UHRF2: variants seen among roughly 807,000 people sequenced by gnomAD.
UHRF2 encodes E3 ubiquitin-protein ligase UHRF2.
In UHRF2, 23 loss-of-function variants were observed where a neutral mutation model predicts 96.8. That is an observed-to-expected ratio of 0.24 (90% CI 0.17 to 0.34). UHRF2 has a LOEUF of 0.34. Ranked by LOEUF, UHRF2 falls within the 10% of genes least tolerant of loss-of-function variation. UHRF2 has a pLI of 1.00. For synonymous variants in UHRF2, 385 were observed against 332.6 expected, an observed-to-expected ratio of 1.16 and a Z score of -1.72; for missense variants, 685 against 981.5, an observed-to-expected ratio of 0.70 and a Z score of 4.04.
intron 2 of UHRF2, among the ~76,000 whole-genome samples, chr9:6,421,573 C>A (rs1342667858): frequency 6.6e-6 from 1 of 152,062 alleles, no homozygotes; most frequent in Non-Finnish European, 1.5e-5. Context: ...TGCACCACCA[C>A]GCCCGGCTAA....
At chr9:6,448,579 T>C (rs925771823) in intron 3 of UHRF2, among the ~76,000 whole-genome samples, 1 of 152,222 alleles carries the variant, frequency 6.6e-6, no homozygotes, top group Non-Finnish European at 1.5e-5. Flanking sequence ...TATAAGTATA[T>C]GTGAACGCTT....
At chr9:6,440,761 T>A (rs1220597068) in intron 3 of UHRF2, among the ~76,000 whole-genome samples, 3 of 152,216 alleles carry the variant, frequency 2.0e-5, no homozygotes, top group Non-Finnish European at 4.4e-5. Context: ...TAGATTAATT[T>A]TAGTTACTTA....
At chr9:6,442,680 T>TG (rs1821246869) in intron 3 of UHRF2, among the ~76,000 whole-genome samples, 1 of 149,270 alleles carries the variant, frequency 6.7e-6, no homozygotes. Context: ...GGGGTAGAGA[T>TG]GGGGTCTCAC....
intron 5 of UHRF2, among the ~76,000 whole-genome samples, chr9:6,475,875 TG>T (rs1237238455): frequency 6.6e-6 from 1 of 152,174 alleles, no homozygotes; most frequent in Non-Finnish European, 1.5e-5. Flanking sequence ...TCATTTTTTG[TG>T]TGTGTTGGGA....
At chr9:6,456,151 T>C (rs936222649) in intron 3 of UHRF2, among the ~76,000 whole-genome samples, 9 of 152,356 alleles carry the variant, frequency 5.9e-5, no homozygotes, top group Non-Finnish European at 1.3e-4. Flanking sequence ...CTTTTTTCTT[T>C]TTAGAATGTT....
intron 9 of UHRF2, chr9:6,492,436 C>A: frequency 1.1e-6 from 1 of 873,574 alleles, no homozygotes; most frequent in Non-Finnish European, 1.4e-6. Context: ...TCATAGAATA[C>A]ATACTAAAGA....
chr9:6,499,792 A>G, intron 12 of UHRF2, 43 bp from the exon 13 acceptor site: 2 of 1,247,898 alleles, frequency 1.6e-6, no homozygotes, highest in East Asian at 3.1e-5. Flanking sequence ...TTCTCTGTGA[A>G]GCTTAAATCT....
intron 3 of UHRF2, among the ~76,000 whole-genome samples, chr9:6,452,803 T>G (rs534914857): frequency 2.0e-5 from 3 of 152,090 alleles, no homozygotes; most frequent in African/African-American, 4.8e-5. Flanking sequence ...TCTGGGACAT[T>G]TCAGTTTGGG....
At chr9:6,504,439 G>C (rs151279412) in intron 14 of UHRF2, 154 bp from the exon 15 acceptor site, 2 of 532,334 alleles carry the variant, frequency 3.8e-6, no homozygotes, top group African/African-American at 3.8e-5. Context: ...TAATAAATCA[G>C]GGTAATTGGA....
chr9:6,505,971 G>A, intron 15 of UHRF2, 62 bp from the exon 16 acceptor site: 1 of 1,562,970 alleles, frequency 6.4e-7, no homozygotes, highest in Non-Finnish European at 8.7e-7. Flanking sequence ...AAAAGCATAA[G>A]TTGCTGAGTA....
chr9:6,492,260 C>A (rs1481556357), intron 9 of UHRF2: 2 of 938,744 alleles, frequency 2.1e-6, no homozygotes, highest in Non-Finnish European at 2.9e-6. Flanking sequence ...CTCTTACTTT[C>A]CATTACTTTT....
At chr9:6,426,616 C>T (rs1201655993) in intron 2 of UHRF2, among the ~76,000 whole-genome samples, 1 of 152,130 alleles carries the variant, frequency 6.6e-6, no homozygotes, top group African/African-American at 2.4e-5. Context: ...TAGCTCATTC[C>T]ATAAATAGGT....
At chr9:6,416,071 G>T (rs1359497833) in intron 1 of UHRF2, among the ~76,000 whole-genome samples, 3 of 151,850 alleles carry the variant, frequency 2.0e-5, no homozygotes, top group African/African-American at 2.4e-5. Flanking sequence ...TTTTGTTGTT[G>T]TTTTTGTTTT....
At chr9:6,478,468 C>G (rs1018090124) in intron 6 of UHRF2, among the ~76,000 whole-genome samples, 1 of 152,152 alleles carries the variant, frequency 6.6e-6, no homozygotes, top group Non-Finnish European at 1.5e-5. Flanking sequence ...TGTATTTAAT[C>G]CTGTGACGTT....
chr9:6,452,698 C>T (rs539433163), intron 3 of UHRF2, among the ~76,000 whole-genome samples: 1 of 152,200 alleles, frequency 6.6e-6, no homozygotes, highest in Non-Finnish European at 1.5e-5. Context: ...TCTTACACTT[C>T]TAAGAGCATG....
At chr9:6,476,781 G>A (rs1419894676) in intron 5 of UHRF2, among the ~76,000 whole-genome samples, 1 of 151,984 alleles carries the variant, frequency 6.6e-6, no homozygotes, top group Non-Finnish European at 1.5e-5. Flanking sequence ...TTTTAGCAGG[G>A]ACGGGGTTTC....
Position 6,424,659 on chromosome 9 carries a change from C to G in UHRF2, c.384+3517C>G, listed in dbSNP as rs576811031. ...GTGGTGTATTTGTTGAAATTAATGA[C>G]CCATATTTTCTTAGCTTTTACCTCA... On this transcript the variant is annotated intron_variant, in intron 2 of 15. Transcript: ENST00000276893. Among the ~76,000 whole-genome samples, 45 of 152,070 alleles carry G rather than the reference C, an allele frequency of 3.0e-4. 1 individual carries two copies. The highest frequency in any genetic ancestry group is 1.1e-3 in the African/African-American group (44 of 41,434).
chr9:6,432,867 G>A (rs1296645973), intron 2 of UHRF2, among the ~76,000 whole-genome samples: 3 of 151,016 alleles, frequency 2.0e-5, no homozygotes, highest in African/African-American at 7.3e-5. Context: ...TTGAGACAGA[G>A]TCTTGCTGTA....
intron 10 of UHRF2, chr9:6,494,242 C>T (rs564392133): frequency 7.7e-6 from 2 of 258,644 alleles, no homozygotes; most frequent in African/African-American, 4.5e-5. Context: ...TTGTCTACTA[C>T]TCCATTGGTC....
Sources: allele counts gnomAD v4.1 joint callset (sites outside exome capture counted in the v4.1 genomes callset), GRCh38; gene constraint gnomAD v4.1.1; transcripts MANE v1.5; gene names NCBI Gene and HGNC (gene_info 2026-07-23, HGNC 2026-07-21).